CFAP221: variants seen among roughly 807,000 people sequenced by gnomAD.
CFAP221 encodes the protein cilia and flagella associated protein 221.
CFAP221 carries 97 observed loss-of-function variants against 113.1 expected under a neutral mutation model. That is an observed-to-expected ratio of 0.86 (90% CI 0.73 to 1.02). The LOEUF is 1.02. CFAP221 is among the 50% of genes least tolerant of loss of function. The pLI is 0.00. For synonymous variants in CFAP221, 331 were observed against 354.4 expected, an observed-to-expected ratio of 0.93 and a Z score of 0.74; for missense variants, 1,025 against 1,013.4, an observed-to-expected ratio of 1.01 and a Z score of -0.16.
intron 6 of CFAP221, among the ~76,000 whole-genome samples, chr2:119,576,554 G>C (rs1459978667): frequency 6.6e-6 from 1 of 152,086 alleles, no homozygotes; most frequent in African/African-American, 2.4e-5. Context: ...TAATTCTCTA[G>C]GTGTAAAAAA....
intron 7 of CFAP221, among the ~76,000 whole-genome samples, chr2:119,595,595 C>T (rs989354323): frequency 1.3e-5 from 2 of 152,134 alleles, no homozygotes; most frequent in South Asian, 2.1e-4. Flanking sequence ...CCATAAGTAA[C>T]TACTGAGCGC....
chr2:119,585,421 G>A (rs993909688), intron 6 of CFAP221, among the ~76,000 whole-genome samples: 2 of 152,166 alleles, frequency 1.3e-5, no homozygotes, highest in African/African-American at 4.8e-5. Context: ...AATAAAGGTT[G>A]ATAAACCTGA....
At chr2:119,657,831 A>C (rs1041500338), downstream of CFAP221, among the ~76,000 whole-genome samples, 7 of 152,158 alleles carry the variant, frequency 4.6e-5, no homozygotes, top group African/African-American at 1.7e-4. Context: ...TGCTTTCCCA[A>C]GACTAGGGTG....
intron 21 of CFAP221, among the ~76,000 whole-genome samples, chr2:119,643,926 G>A (rs1687645451): frequency 6.6e-6 from 1 of 151,922 alleles, no homozygotes; most frequent in African/African-American, 2.4e-5. Flanking sequence ...GCCAAGGCAG[G>A]AGGATCACTT....
Position 119,601,361 on chromosome 2 carries a change from C to A in CFAP221, c.775C>A (p.Pro259Thr), listed in dbSNP as rs1684355715. The A allele has an allele frequency of 2.0e-6, 3 of 1,528,030 alleles. No homozygotes were observed. The highest frequency in any genetic ancestry group is 2.6e-6 in the Non-Finnish European group (3 of 1,141,706). The allele number at this position is 1,528,030 out of a possible 1,614,324, so 94.7% of individuals were successfully genotyped here. ...ATGTGTCTTCACCGGAACATGCTATCCCAACATGGCCTTACCGTATGGCGT... is the reference window on the plus strand; with the variant it reads ...ATGTGTCTTCACCGGAACATGCTATACCAACATGGCCTTACCGTATGGCGT... ...YECVFTGTCYPNMALPLEEFE... is the reference protein window; with the variant it reads ...YECVFTGTCYTNMALPLEEFE... Residue 259 changes from proline to threonine, a missense_variant, in exon 8 of 24, where the codon CCC (proline) becomes ACC (threonine). Physicochemically the swap from Pro to Thr is conservative, Grantham distance 38. Transcript: ENST00000413369.
intron 19 of CFAP221, among the ~76,000 whole-genome samples, chr2:119,633,031 T>C (rs903362577): frequency 6.6e-6 from 1 of 152,028 alleles, no homozygotes; most frequent in Non-Finnish European, 1.5e-5. Context: ...TGGAACAGAA[T>C]AGAGGATCCA....
At position 119,656,336 on chromosome 2, in the gene CFAP221, TC is replaced by T. The variant is rs1688431654; in HGVS notation, c.2415-24del. ...TGGTTTTATTAAGTGTCCTCATGTT[TC>T]CTTCTTGGGTTTTTTGATACTCAGA... On this transcript the variant is annotated intron_variant, in intron 23 of 23. Transcript: ENST00000413369. 4 of 1,597,668 alleles carry T rather than the reference TC, an allele frequency of 2.5e-6. No individual in the cohort carries two copies. In the East Asian group the frequency reaches 8.9e-5, roughly 36 times the overall value.
rs548964226 is a variant in CFAP221, at chr2:119,554,915, A to G, written c.241-4774A>G. Among the ~76,000 whole-genome samples the G allele has an allele frequency of 6.6e-5, 10 of 152,260 alleles. No individual in the cohort carries two copies. In the East Asian group the frequency reaches 1.9e-3, roughly 29 times the overall value. On this transcript the variant is annotated intron_variant, in intron 3 of 23. Coordinates refer to ENST00000413369, the MANE Select transcript of CFAP221 (RefSeq NM_001271049.2). ...GCTGTGTCACTGAACTTGCAGGCCA[A>G]AGTGTTGTGTTTGAAGGTTGTGTTT...
At chr2:119,562,187 T>G in intron 6 of CFAP221, 73 bp downstream of exon 6, 1 of 1,107,002 alleles carries the variant, frequency 9.0e-7, no homozygotes. Context: ...AACCTTAGAC[T>G]TTTGTTTTTC....
intron 21 of CFAP221, among the ~76,000 whole-genome samples, chr2:119,644,530 A>T (rs557364837): frequency 1.3e-5 from 2 of 152,124 alleles, no homozygotes; most frequent in Admixed American, 6.6e-5. Flanking sequence ...GATAAGCTCT[A>T]TGTCTCCGGG....
chr2:119,640,079 C>T (rs1687390807), intron 21 of CFAP221, among the ~76,000 whole-genome samples: 1 of 152,112 alleles, frequency 6.6e-6, no homozygotes, highest in Non-Finnish European at 1.5e-5. Context: ...AAAGTAATGT[C>T]CTAGGTGACG....
intron 19 of CFAP221, among the ~76,000 whole-genome samples, chr2:119,632,754 A>C (rs760621893): frequency 2.0e-5 from 3 of 152,098 alleles, no homozygotes; most frequent in Non-Finnish European, 2.9e-5. Flanking sequence ...AAATCTACAA[A>C]AAAAACTACT....
intron 15 of CFAP221, among the ~76,000 whole-genome samples, chr2:119,627,350 T>G (rs1686383533): frequency 6.6e-6 from 1 of 152,198 alleles, no homozygotes; most frequent in Non-Finnish European, 1.5e-5. Context: ...TACTTGTGAA[T>G]TCCATGGGTC....
intron 21 of CFAP221, among the ~76,000 whole-genome samples, chr2:119,642,826 C>A (rs1168326656): frequency 1.3e-5 from 2 of 151,864 alleles, no homozygotes; most frequent in African/African-American, 4.8e-5. Flanking sequence ...AGAAGTGGAG[C>A]CACTGCACCC....
intron 14 of CFAP221, among the ~76,000 whole-genome samples, chr2:119,624,918 T>G (rs1686186410): frequency 6.6e-6 from 1 of 151,940 alleles, no homozygotes; most frequent in Admixed American, 6.6e-5. Context: ...ATACCTAATG[T>G]AGATGGCGGG....
intron 6 of CFAP221, among the ~76,000 whole-genome samples, chr2:119,576,187 A>G (rs1202650061): frequency 6.6e-6 from 1 of 152,074 alleles, no homozygotes; most frequent in Admixed American, 6.5e-5. Context: ...TTTTAACTTC[A>G]TTTCTTTTCC....
chr2:119,610,677 C>T (rs968889562), intron 12 of CFAP221, among the ~76,000 whole-genome samples: 1 of 152,100 alleles, frequency 6.6e-6, no homozygotes, highest in Non-Finnish European at 1.5e-5. Flanking sequence ...GGCAGCTCAC[C>T]ACCCTGGTGA....
At chr2:119,550,881 C>A (rs547773298) in intron 3 of CFAP221, among the ~76,000 whole-genome samples, 1 of 152,300 alleles carries the variant, frequency 6.6e-6, no homozygotes, top group South Asian at 2.1e-4. Context: ...AAACCCCACA[C>A]CCACTTTCAG....
intron 7 of CFAP221, among the ~76,000 whole-genome samples, chr2:119,588,004 T>C (rs1574069039): frequency 6.6e-6 from 1 of 152,260 alleles, no homozygotes; most frequent in Non-Finnish European, 1.5e-5. Flanking sequence ...GTAACCACTG[T>C]TTATATTGCA....
Sources: gnomAD v4.1 joint callset for allele counts (sites outside exome capture counted in the v4.1 genomes callset) on GRCh38, gnomAD v4.1.1 for gene constraint, MANE v1.5 for transcripts, NCBI Gene and HGNC (gene_info 2026-07-23, HGNC 2026-07-21) for gene names.